NEB: variants seen among roughly 807,000 people sequenced by gnomAD.
The protein encoded by NEB is nebulin, also known as nemaline myopathy type 2.
A neutral mutation model predicts 952.2 loss-of-function variants in NEB; 512 were observed. The ratio of observed to expected loss-of-function variants is 0.54; its 90% CI spans 0.50 to 0.58. The LOEUF (loss-of-function observed/expected upper bound fraction) is 0.58. Ranked by LOEUF, NEB falls within the 20% of genes least tolerant of loss-of-function variation. The probability of loss-of-function intolerance (pLI) is 0.00; values close to 1 mark genes in which losing one functional copy is unlikely to be tolerated. For synonymous variants in NEB, 2,900 were observed against 3,149.8 expected, an observed-to-expected ratio of 0.92 and a Z score of 2.66; for missense variants, 8,428 against 9,231.1, an observed-to-expected ratio of 0.91 and a Z score of 3.56.
chr2:151,719,224 A>G (rs1184431285), intron 9 of NEB, among the ~76,000 whole-genome samples: 6 of 152,222 alleles, frequency 3.9e-5, no homozygotes, highest in African/African-American at 7.2e-5. Flanking sequence ...TGTGGCCTGC[A>G]TAGTACCTAG....
At chr2:151,523,510 T>C (rs78167444) in intron 153 of NEB, among the ~76,000 whole-genome samples, 1,675 of 152,320 alleles carry the variant, frequency 0.011, 36 homozygotes, top group African/African-American at 0.037. Context: ...GATCTGTAAA[T>C]TGGAGGAGAA....
At chr2:151,712,528 T>C (rs1240075318) in intron 10 of NEB, among the ~76,000 whole-genome samples, 2 of 152,188 alleles carry the variant, frequency 1.3e-5, no homozygotes, top group Non-Finnish European at 2.9e-5. Flanking sequence ...TATTTCCTCC[T>C]ATCCAGCAGC....
At position 151,725,483 on chromosome 2, in the gene NEB, T is replaced by C; in HGVS notation, c.372A>G (p.Arg124=). Residue 124 remains arginine, a synonymous_variant, in exon 6 of 182, where the codon AGA becomes AGG. Transcript: ENST00000397345. ...ASTTDTPELR[R]IKKVQDQLSE... is the part of the protein sequence containing the mutation. ...TGAGTTGATCTTGTACTTTTTTGATTCTGCGAAGTTCTGGAGTATCTGTTG... is the reference window on the plus strand; with the variant it reads ...TGAGTTGATCTTGTACTTTTTTGATCCTGCGAAGTTCTGGAGTATCTGTTG... The C allele has an allele frequency of 6.2e-7, 1 of 1,613,642 alleles. No individual in the cohort carries two copies. The highest frequency in any genetic ancestry group is 1.1e-5 in the South Asian group (1 of 91,018).
At position 151,697,434 on chromosome 2, in the gene NEB, T is replaced by C. The variant is rs752890513; in HGVS notation, c.1281A>G (p.Leu427=). The C allele has an allele frequency of 1.9e-5, 30 of 1,613,594 alleles. No individual in the cohort carries two copies. In the African/African-American group the frequency reaches 3.7e-4, roughly 20 times the overall value. The change falls in exon 15 of 182, where the codon TTA becomes TTG. Residue 427 remains leucine (L), a synonymous_variant. Transcript: ENST00000397345. ...SSDKKYKDSY[L]KDILGHYVGS... is the part of the protein sequence containing the mutation. ...CTACATAATGTCCCAAAATATCTTT[T>C]AAGTAGGAATCTTTATATTTTTTCT...
At chr2:151,717,551 A>T (rs2099762433) in intron 9 of NEB, 31 bp from the exon 10 acceptor site, 1 of 1,467,902 alleles carries the variant, frequency 6.8e-7, no homozygotes, top group Non-Finnish European at 9.5e-7. Flanking sequence ...GATGTATTTT[A>T]AAAACGATTA....
chr2:151,627,706 C>T lies in NEB; in HGVS notation c.9960G>A (p.Lys3320=). 6.2e-7 allele frequency: 1 copy of T among 1,613,924 alleles called. No individual in the cohort carries two copies. Residue 3320 remains lysine, a synonymous_variant, in exon 69 of 182, where the codon AAG becomes AAA. Transcript: ENST00000397345. ...AKIQSDREYK[K]DFEKWKTKFS... is the part of the protein sequence containing the mutation. ...ACTTGGTCTTCCACTTCTCAAAGTC[C>T]TTCTTATACTCCCTGTCACTCTGGA...
Position 151,640,481 on chromosome 2 carries a change from C to G in NEB, c.8559G>C (p.Val2853=). Residue 2853 remains valine, a synonymous_variant, in exon 61 of 182, where the codon GTG becomes GTC. Coordinates refer to ENST00000397345, the MANE Select transcript of NEB (RefSeq NM_001164508.2). The stretch of plus-strand genomic sequence containing the variant: ...CTAAGGTCTGGCACTTCTTGGCCAG[C>G]ACCACCCCCAGCATGTCCACTGGGC... ...FSSPVDMLGV[V]LAKKCQTLVS... 6.2e-7 allele frequency: 1 copy of G among 1,613,938 alleles called. No homozygotes were observed. The highest frequency in any genetic ancestry group is 8.5e-7 in the Non-Finnish European group (1 of 1,179,876).
At chr2:151,634,547 C>T (rs2098721173) in intron 64 of NEB, among the ~76,000 whole-genome samples, 2 of 152,036 alleles carry the variant, frequency 1.3e-5, no homozygotes, top group South Asian at 4.1e-4. Flanking sequence ...GAGGCTGAGG[C>T]AGGAGAATGG....
At chr2:151,647,262 C>CTGT (rs1442434486) in intron 54 of NEB, among the ~76,000 whole-genome samples, 1 of 152,068 alleles carries the variant, frequency 6.6e-6, no homozygotes, top group Non-Finnish European at 1.5e-5. Context: ...AGGCACCCAC[C>CTGT]ACATGCCCAG....
intron 84 of NEB, among the ~76,000 whole-genome samples, chr2:151,605,679 T>C (rs1340330326): frequency 9.2e-6 from 1 of 108,286 alleles, no homozygotes; most frequent in Non-Finnish European, 2.3e-5. Context: ...AAATGAAGAA[T>C]AAGAAGGAGG....
intron 63 of NEB, 54 bp downstream of exon 63, chr2:151,639,226 G>T: frequency 7.5e-7 from 1 of 1,330,494 alleles, no homozygotes; most frequent in Non-Finnish European, 1.0e-6. Flanking sequence ...TCATCATAGA[G>T]TAGATCAACT....
In NEB at chr2:151,491,742, A is replaced by G; in HGVS notation, c.25091T>C (p.Val8364Ala). 6.3e-7 allele frequency: 1 copy of G among 1,596,700 alleles called. No homozygotes were observed. The highest frequency in any genetic ancestry group is 8.5e-7 in the Non-Finnish European group (1 of 1,171,054). The change falls in exon 179 of 182, where the codon GTT becomes GCT. Residue 8364 changes from valine (V) to alanine (A), a missense_variant. Val to Ala is a moderately conservative substitution (Grantham distance 64, BLOSUM62 0). This residue lies in a region of NEB where 3,374 missense variants were observed against 3,651.5 expected (regional missense o/e 0.92). Transcript: ENST00000397345. ...LRVWRTNPGSVFDYDPAEDNI... is the reference protein window; with the variant it reads ...LRVWRTNPGSAFDYDPAEDNI... The stretch of plus-strand genomic sequence containing the variant: ...GTCTTCTGCTGGATCATAGTCAAAA[A>G]CCGAACCAGGATTAGTACGCCAGAC...
chr2:151,577,726 A>G lies in NEB; in HGVS notation c.16705-1372T>C, dbSNP rs2096928007. The stretch of plus-strand genomic sequence containing the variant: ...CCTGTGTAGCTGGGATTACAGGCAC[A>G]TGCCACCACGCCAGGCTAATTTTTG... On this transcript the variant is annotated intron_variant, in intron 105 of 181. Coordinates refer to ENST00000397345, the MANE Select transcript of NEB (RefSeq NM_001164508.2). Among the ~76,000 whole-genome samples, 4 of 152,210 alleles carry G rather than the reference A, an allele frequency of 2.6e-5. 1 individual carries two copies. In the South Asian group the frequency reaches 8.3e-4, roughly 32 times the overall value.
chr2:151,574,292 A>G (rs2096754579), intron 107 of NEB, among the ~76,000 whole-genome samples: 1 of 152,152 alleles, frequency 6.6e-6, no homozygotes, highest in South Asian at 2.1e-4. Context: ...CTCTTGAGTA[A>G]TTATATTAGC....
rs779413062 is a variant in NEB at position 151,565,811 on chromosome 2, T to C, written c.18166A>G (p.Arg6056Gly). The C allele has an allele frequency of 2.4e-5, 39 of 1,608,468 alleles. No homozygotes were observed. The highest frequency in any genetic ancestry group is 1.0e-5 in the Non-Finnish European group (12 of 1,176,868). Reference protein sequence around the residue: ...AYDLQSDNVYRADLEWLRGIG... With the variant: ...AYDLQSDNVYGADLEWLRGIG... ...CCTCGGAGCCACTCCAGGTCAGCTC[T>C]GTAGACATTCTGAGAGCAGGAAGAG... Residue 6056 changes from arginine (R) to glycine (G), a missense_variant, in exon 115 of 182, where the codon AGA (arginine) becomes GGA (glycine). By Grantham distance (125) the Arg-to-Gly change is moderately radical (BLOSUM62 -2). This residue lies in a region of NEB where 3,374 missense variants were observed against 3,651.5 expected (regional missense o/e 0.92). Transcript: ENST00000397345.
chr2:151,696,742 G>A lies in NEB; in HGVS notation c.1471-7C>T, dbSNP rs985833868. The A allele has an allele frequency of 6.2e-6, 10 of 1,609,740 alleles. No homozygotes were observed. The highest frequency in any genetic ancestry group is 2.7e-5 in the African/African-American group (2 of 74,796). On this transcript the variant is annotated splice_region_variant and splice_polypyrimidine_tract_variant and intron_variant, in intron 16 of 181. Coordinates refer to ENST00000397345, the MANE Select transcript of NEB (RefSeq NM_001164508.2). ...GATGGACTTTGTAGGTGTGCTGTGG[G>A]GAAGCAAAGGCATTTGGTTTAGTAG...
At chr2:151,694,264 A>G in intron 20 of NEB, 59 bp downstream of exon 20, 1 of 1,422,646 alleles carries the variant, frequency 7.0e-7, no homozygotes, top group Admixed American at 1.7e-5. Context: ...CCAAGGTTAT[A>G]TTAAACAGCA....
intron 46 of NEB, among the ~76,000 whole-genome samples, chr2:151,661,861 A>C (rs1348278552): frequency 1.3e-5 from 2 of 152,208 alleles, no homozygotes; most frequent in Non-Finnish European, 2.9e-5. Context: ...CACCTTAGAC[A>C]AACAGGACTC....
chr2:151,501,199 T>C (rs1389068654), intron 168 of NEB, among the ~76,000 whole-genome samples, 192 bp downstream of exon 168: 7 of 152,200 alleles, frequency 4.6e-5, no homozygotes, highest in Non-Finnish European at 5.9e-5. Context: ...TAAGGGACTA[T>C]TATAGAAAGT....
Sources: gnomAD v4.1 joint callset for allele counts (sites outside exome capture counted in the v4.1 genomes callset) on GRCh38, gnomAD v4.1.1 for gene constraint, gnomAD v4.1.1 regional missense constraint, MANE v1.5 for transcripts, NCBI Gene and HGNC (gene_info 2026-07-23, HGNC 2026-07-21) for gene names.